The following RFX4 variants were observed in gnomAD, a reference collection of about 807,000 sequenced individuals.
RFX4 encodes the protein transcription factor RFX4.
A neutral mutation model predicts 95.0 loss-of-function variants in RFX4; 10 were observed. The ratio of observed to expected loss-of-function variants is 0.11; its 90% CI spans 0.06 to 0.18. RFX4 has a LOEUF of 0.18. Ranked by LOEUF, RFX4 falls within the 10% of genes least tolerant of loss-of-function variation. RFX4 has a pLI of 1.00. For synonymous variants in RFX4, 321 were observed against 340.7 expected (o/e 0.94, Z 0.64); for missense variants, 640 against 922.0 (o/e 0.69, Z 3.96).
At chr12:106,645,045 C>T (rs1227957618) in intron 3 of RFX4, among the ~76,000 whole-genome samples, 1 of 152,122 alleles carries the variant, frequency 6.6e-6, no homozygotes, top group Admixed American at 6.5e-5. Flanking sequence ...CCTCCCCCTC[C>T]CCCTAGAACA....
intron 13 of RFX4, among the ~76,000 whole-genome samples, chr12:106,724,142 T>A (rs1332775883): frequency 1.3e-5 from 2 of 152,178 alleles, no homozygotes; most frequent in Non-Finnish European, 2.9e-5. Context: ...ACTTGAAGGA[T>A]TTGCTTAACA....
At chr12:106,752,407 G>A (rs1296393834) in intron 17 of RFX4, among the ~76,000 whole-genome samples, 1 of 152,022 alleles carries the variant, frequency 6.6e-6, no homozygotes, top group Non-Finnish European at 1.5e-5. Flanking sequence ...CTCGGCCAGT[G>A]TTCATGCTCC....
At chr12:106,592,180 T>A (rs2137168358) in intron 1 of RFX4, among the ~76,000 whole-genome samples, 1 of 144,334 alleles carries the variant, frequency 6.9e-6, no homozygotes, top group South Asian at 2.3e-4. Flanking sequence ...TCTAGGTGTC[T>A]AGTTGGGAAA....
Position 106,761,482 on chromosome 12 carries a change from G to C in RFX4, c.*13G>C. ...ATGGGCTAAATGACTGCTATCATAG[G>C]CATCCATATTTAATATTAATAATAA... On this transcript the variant is annotated 3_prime_UTR_variant, in exon 18 of 18. Coordinates refer to ENST00000392842, the MANE Select transcript of RFX4 (RefSeq NM_213594.3). 6.6e-7 allele frequency: 1 copy of C among 1,515,456 alleles called. No homozygotes were observed. Among genetic ancestry groups the C allele is most frequent in the Non-Finnish European group, 8.8e-7 (1 of 1,130,990 alleles). The allele number at this position is 1,515,456 out of a possible 1,614,324, so 93.9% of individuals were successfully genotyped here.
At chr12:106,632,241 G>A (rs901236792) in intron 2 of RFX4, among the ~76,000 whole-genome samples, 4 of 152,286 alleles carry the variant, frequency 2.6e-5, no homozygotes, top group South Asian at 2.1e-4. Flanking sequence ...GGAGCAGAAC[G>A]GAGTGGCAAG....
chr12:106,746,709 A>G (rs1006980062), intron 15 of RFX4, among the ~76,000 whole-genome samples: 2 of 152,324 alleles, frequency 1.3e-5, no homozygotes, highest in East Asian at 1.9e-4. Flanking sequence ...ATAATCTTCA[A>G]AAAGACCTGA....
chr12:106,718,038 T>A (rs1466587483), intron 11 of RFX4, among the ~76,000 whole-genome samples: 1 of 152,218 alleles, frequency 6.6e-6, no homozygotes, highest in African/African-American at 2.4e-5. Flanking sequence ...ATTTTAAAAG[T>A]GCACATTAGT....
chr12:106,601,912 T>TGAGGG (rs752016522), intron 1 of RFX4, among the ~76,000 whole-genome samples: 78 of 152,328 alleles, frequency 5.1e-4, no homozygotes, highest in South Asian at 4.1e-4. Flanking sequence ...TGGCAGGTGC[T>TGAGGG]GAATCCTTTA....
chr12:106,761,372 C>G lies in RFX4; in HGVS notation c.2111C>G (p.Pro704Arg). 6.2e-7 allele frequency: 1 copy of G among 1,614,160 alleles called. No individual in the cohort carries two copies. The highest frequency in any genetic ancestry group is 8.5e-7 in the Non-Finnish European group (1 of 1,180,030). ...GGAAACTCTAGTGACATGTATACAC[C>G]TCTGACAACGCGCAGGAATTCTGAA... Reference protein sequence around the residue: ...RYGNSSDMYTPLTTRRNSEYE... With the variant: ...RYGNSSDMYTRLTTRRNSEYE... Residue 704 changes from proline to arginine, a missense_variant, in exon 18 of 18, where the codon CCT (proline) becomes CGT (arginine). Around this residue, in one of 7 missense-constraint regions of RFX4, gnomAD observed 300 missense variants for 346.8 expected, o/e 0.87. Transcript: ENST00000392842.
chr12:106,603,166 T>G (rs1007563359), intron 1 of RFX4, among the ~76,000 whole-genome samples: 5 of 152,200 alleles, frequency 3.3e-5, no homozygotes, highest in Admixed American at 3.3e-4. Flanking sequence ...AAGGATTACC[T>G]GGCTCTTGAT....
intron 3 of RFX4, among the ~76,000 whole-genome samples, chr12:106,653,832 G>A (rs575821629): frequency 2.6e-5 from 4 of 152,300 alleles, no homozygotes; most frequent in African/African-American, 9.6e-5. Flanking sequence ...TGGGCTTTTA[G>A]CTGTTACAAA....
chr12:106,678,149 A>G (rs1379899237), intron 4 of RFX4, among the ~76,000 whole-genome samples: 1 of 152,156 alleles, frequency 6.6e-6, no homozygotes, highest in African/African-American at 2.4e-5. Context: ...TCACAAACAC[A>G]CTGATTGTAC....
intron 7 of RFX4, among the ~76,000 whole-genome samples, chr12:106,691,885 G>A (rs533939062): frequency 1.6e-4 from 25 of 152,168 alleles, no homozygotes; most frequent in African/African-American, 1.4e-4. Context: ...GAGGCCGGGC[G>A]CAGTGGCTCA....
At chr12:106,642,019 C>CTATATCTA (rs535427954) in intron 3 of RFX4, among the ~76,000 whole-genome samples, 10 of 147,498 alleles carry the variant, frequency 6.8e-5, no homozygotes, top group African/African-American at 2.5e-4. Context: ...ATATCTATAT[C>CTATATCTA]TATTTTTTGA....
chr12:106,700,468 G>A lies in RFX4; in HGVS notation c.833+4022G>A, dbSNP rs1428357699. Among the ~76,000 whole-genome samples the A allele has an allele frequency of 1.2e-4, 17 of 143,220 alleles. No homozygotes were observed. In the South Asian group the frequency reaches 3.4e-3, roughly 28 times the overall value. 94.0% of individuals were successfully genotyped at this position (143,220 alleles called of 152,430 possible). A position where few individuals can be genotyped will look rare whatever the true frequency, so the allele number is the denominator to read the frequency against. On this transcript the variant is annotated intron_variant, in intron 8 of 17. Transcript: ENST00000392842. ...GTCGCCCAGGCTGGAGTGCAGTGGC[G>A]CGATCTCGGCTCACTGCAAGCTCCG...
At chr12:106,611,259 G>C (rs1740635663) in intron 2 of RFX4, among the ~76,000 whole-genome samples, 1 of 152,052 alleles carries the variant, frequency 6.6e-6, no homozygotes. Context: ...TATTCCATGG[G>C]TTGCCTTTTC....
chr12:106,584,224 C>T (rs1284679402), intron 1 of RFX4, among the ~76,000 whole-genome samples: 1 of 152,140 alleles, frequency 6.6e-6, no homozygotes, highest in East Asian at 1.9e-4. Context: ...GTTTTCGCCA[C>T]CTCCCACTCC....
At chr12:106,684,474 A>G (rs1463526344) in intron 5 of RFX4, among the ~76,000 whole-genome samples, 1 of 152,222 alleles carries the variant, frequency 6.6e-6, no homozygotes, top group East Asian at 1.9e-4. Flanking sequence ...GTTGTGCCCT[A>G]CAGAACTGAA....
At chr12:106,679,241 T>A (rs1015971445) in intron 4 of RFX4, among the ~76,000 whole-genome samples, 2 of 152,188 alleles carry the variant, frequency 1.3e-5, no homozygotes, top group African/African-American at 4.8e-5. Context: ...GTGGATCACT[T>A]GAGGTCAGGA....
Sources: gnomAD v4.1 joint callset for allele counts (sites outside exome capture counted in the v4.1 genomes callset) on GRCh38, gnomAD v4.1.1 for gene constraint, gnomAD v4.1.1 regional missense constraint, MANE v1.5 for transcripts, NCBI Gene and HGNC (gene_info 2026-07-23, HGNC 2026-07-21) for gene names.